The following AK9 variants were observed in gnomAD, a reference collection of about 807,000 sequenced individuals.
AK9 encodes the protein adenylate kinase domain containing 1.
In AK9, 191 loss-of-function variants were observed where a neutral mutation model predicts 239.6. The ratio of observed to expected loss-of-function variants is 0.80; its 90% CI spans 0.71 to 0.90. The LOEUF (loss-of-function observed/expected upper bound fraction) is 0.90, where lower values mean the gene tolerates loss of function less well. AK9 is among the 40% of genes least tolerant of loss of function. The pLI, the probability that AK9 is intolerant of heterozygous loss-of-function variation, is 0.00. For synonymous variants in AK9, 689 were observed against 721.0 expected, an observed-to-expected ratio of 0.96 and a Z score of 0.71; for missense variants, 1,995 against 2,214.7, an observed-to-expected ratio of 0.90 and a Z score of 1.99.
intron 12 of AK9, among the ~76,000 whole-genome samples, chr6:109,627,650 T>C (rs966552323): frequency 2.5e-5 from 3 of 121,168 alleles, no homozygotes; most frequent in South Asian, 8.9e-4. Flanking sequence ...TTTACCACAC[T>C]GAACTTCTGT....
At chr6:109,507,569 G>GAA (rs928330988) in intron 33 of AK9, among the ~76,000 whole-genome samples, 2 of 150,582 alleles carry the variant, frequency 1.3e-5, no homozygotes, top group African/African-American at 4.9e-5. Context: ...CTGAGAGGAG[G>GAA]AAAAAAAAAG....
rs533269231 is a variant in AK9 at position 109,622,345 on chromosome 6, CATAT to C, written c.1255-3113_1255-3110del. ...TATATGTATATGTATATACTATAGT[CATAT>C]ATATAGTATATATAGCATACTATAT... On this transcript the variant is annotated intron_variant, in intron 12 of 40. Coordinates refer to ENST00000424296, the MANE Select transcript of AK9 (RefSeq NM_001145128.3). 5.4e-3 allele frequency among the ~76,000 whole-genome samples: 769 copies of C among 141,406 alleles called. 9 individuals are homozygous for C. The highest frequency in any genetic ancestry group is 0.018 in the African/African-American group (723 of 39,234). The allele number at this position is 141,406 out of a possible 152,430, so 92.8% of individuals were successfully genotyped here.
chr6:109,573,206 C>A (rs76213169), intron 21 of AK9, among the ~76,000 whole-genome samples: 1 of 152,050 alleles, frequency 6.6e-6, no homozygotes, highest in African/African-American at 2.4e-5. Context: ...GAACAACATG[C>A]CCCACAAATT....
intron 8 of AK9, among the ~76,000 whole-genome samples, chr6:109,650,130 A>G (rs540025670): frequency 1.3e-5 from 2 of 152,076 alleles, no homozygotes; most frequent in Non-Finnish European, 2.9e-5. Context: ...ACCATAAAAA[A>G]CCTAGAAGAA....
intron 25 of AK9, among the ~76,000 whole-genome samples, chr6:109,548,060 A>T (rs1783822745): frequency 6.6e-6 from 1 of 152,092 alleles, no homozygotes; most frequent in African/African-American, 2.4e-5. Context: ...CAAAAAAAAT[A>T]GCAAATACTG....
At chr6:109,509,102 G>C (rs191978134) in intron 33 of AK9, 77 bp downstream of exon 33, 12 of 1,360,542 alleles carry the variant, frequency 8.8e-6, no homozygotes, top group Non-Finnish European at 1.2e-5. Context: ...CCCCATGTAA[G>C]TGTTTTAAAT....
In AK9 at chr6:109,511,060, GTT is replaced by G. The variant is rs200285676; in HGVS notation, c.4280-1682_4280-1681del. On this transcript the variant is annotated intron_variant, in intron 32 of 40. Transcript: ENST00000424296. ...TCTGGTTAATGAACCAAATCTGCTT[GTT>G]TTTTTTTTTTTTTTTTCCTTAACAA... 8.4e-3 allele frequency among the ~76,000 whole-genome samples: 1,039 copies of G among 123,154 alleles called. 17 individuals carry two copies. Among genetic ancestry groups the G allele is most frequent in the African/African-American group, 0.026 (909 of 34,614 alleles). The allele number at this position is 123,154 out of a possible 152,430, so 80.8% of individuals were successfully genotyped here.
intron 25 of AK9, among the ~76,000 whole-genome samples, chr6:109,547,144 T>A (rs1783669151): frequency 6.6e-6 from 1 of 152,160 alleles, no homozygotes; most frequent in Non-Finnish European, 1.5e-5. Context: ...GGATTGGGGC[T>A]TCTTTGTGAG....
rs185116628 is a variant in AK9 at position 109,603,499 on chromosome 6, A to C, written c.1842+6866T>G. 7.2e-4 allele frequency among the ~76,000 whole-genome samples: 109 copies of C among 152,262 alleles called. No homozygotes were observed. In the East Asian group the frequency reaches 0.017, roughly 24 times the overall value. On this transcript the variant is annotated intron_variant, in intron 17 of 40. Coordinates refer to ENST00000424296, the MANE Select transcript of AK9 (RefSeq NM_001145128.3). ...CTGCCCCTACTGGGGGGTGCCTCCC[A>C]GTTAGGCTACTTGGGGGTCAGGGAC...
chr6:109,567,716 C>T (rs1228536909), intron 21 of AK9, among the ~76,000 whole-genome samples: 2 of 121,652 alleles, frequency 1.6e-5, no homozygotes, highest in South Asian at 2.6e-4. Flanking sequence ...GGGAACATCA[C>T]ACACTGGGGC....
chr6:109,509,463 G>T, intron 32 of AK9, 83 bp from the exon 33 acceptor site: 1 of 1,216,556 alleles, frequency 8.2e-7, no homozygotes. Context: ...TGGGTATATT[G>T]TGTGATGCTC....
intron 5 of AK9, among the ~76,000 whole-genome samples, chr6:109,665,419 C>T (rs1033066196): frequency 6.6e-6 from 1 of 152,162 alleles, no homozygotes; most frequent in Non-Finnish European, 1.5e-5. Flanking sequence ...TAGACACTGC[C>T]TGCACTGTCT....
intron 8 of AK9, among the ~76,000 whole-genome samples, chr6:109,654,193 A>G (rs1799363177): frequency 6.6e-6 from 1 of 152,092 alleles, no homozygotes; most frequent in Non-Finnish European, 1.5e-5. Context: ...TATCCAGTGT[A>G]TTTTGTTTTC....
At chr6:109,679,419 A>G (rs1207013531) in intron 1 of AK9, among the ~76,000 whole-genome samples, 4 of 152,018 alleles carry the variant, frequency 2.6e-5, no homozygotes, top group African/African-American at 9.7e-5. Context: ...CTCTCTAGGC[A>G]GGGTATCTCT....
intron 31 of AK9, among the ~76,000 whole-genome samples, chr6:109,515,044 G>A (rs566889661): frequency 7.2e-4 from 109 of 152,310 alleles, no homozygotes; most frequent in Middle Eastern, 6.8e-3. Flanking sequence ...GCAAGTTAAG[G>A]AGAGAGGTCT....
chr6:109,500,429 G>C (rs1436150437), intron 35 of AK9, among the ~76,000 whole-genome samples: 1 of 152,152 alleles, frequency 6.6e-6, no homozygotes, highest in Non-Finnish European at 1.5e-5. Flanking sequence ...AGATGTTATA[G>C]AAAATAAAAT....
intron 21 of AK9, among the ~76,000 whole-genome samples, chr6:109,566,413 T>G (rs1438549904): frequency 1.3e-5 from 2 of 152,008 alleles, no homozygotes; most frequent in Non-Finnish European, 2.9e-5. Flanking sequence ...AGATGAAAAT[T>G]TTACTTCTGA....
intron 24 of AK9, among the ~76,000 whole-genome samples, chr6:109,556,269 T>A (rs1157193403): frequency 6.6e-6 from 1 of 152,212 alleles, no homozygotes; most frequent in Admixed American, 6.5e-5. Flanking sequence ...CCTTTGCTTA[T>A]GAAGCTTAGT....
chr6:109,586,487 C>T (rs1789524558), intron 17 of AK9, among the ~76,000 whole-genome samples: 1 of 152,168 alleles, frequency 6.6e-6, no homozygotes, highest in Admixed American at 6.5e-5. Flanking sequence ...CTATACATTA[C>T]TCAGAGGACA....
Sources: gnomAD v4.1 joint callset for allele counts (sites outside exome capture counted in the v4.1 genomes callset) on GRCh38, gnomAD v4.1.1 for gene constraint, MANE v1.5 for transcripts, NCBI Gene and HGNC (gene_info 2026-07-23, HGNC 2026-07-21) for gene names.